The following TMEM117 variants were observed in gnomAD, a reference collection of about 807,000 sequenced individuals.
TMEM117 encodes transmembrane protein 117.
In TMEM117, 27 loss-of-function variants were observed where a neutral mutation model predicts 52.4. That is an observed-to-expected ratio of 0.51 (90% CI 0.38 to 0.71). TMEM117 has a LOEUF of 0.71. TMEM117 is among the 30% of genes least tolerant of loss of function. TMEM117 has a pLI of 0.00. For missense variants in TMEM117, 556 were observed against 630.5 expected, an observed-to-expected ratio of 0.88 and a Z score of 1.26; for synonymous variants, 215 against 206.3, an observed-to-expected ratio of 1.04 and a Z score of -0.36.
chr12:44,396,816 T>G, the TMEM117 span, among the ~76,000 whole-genome samples: 1 of 147,598 alleles, frequency 6.8e-6, no homozygotes, highest in Non-Finnish European at 1.5e-5. Flanking sequence ...ATTGTGCCTT[T>G]GCACTCCAGC....
chr12:44,356,027 G>T (rs1592714967), intron 6 of TMEM117, among the ~76,000 whole-genome samples: 2 of 152,004 alleles, frequency 1.3e-5, no homozygotes, highest in East Asian at 3.9e-4. Context: ...GAAAAAAAAA[G>T]AAAAAAAGGC....
At chr12:44,115,608 G>A (rs1948127577) in intron 3 of TMEM117, among the ~76,000 whole-genome samples, 2 of 151,776 alleles carry the variant, frequency 1.3e-5, no homozygotes, top group South Asian at 4.2e-4. Context: ...AGCCAGATGT[G>A]CATGTTCCCA....
chr12:44,261,646 T>A (rs1037150203), intron 5 of TMEM117, among the ~76,000 whole-genome samples: 2 of 152,214 alleles, frequency 1.3e-5, no homozygotes, highest in African/African-American at 2.4e-5. Flanking sequence ...GGAACATAGA[T>A]GGAAGGTACG....
intron 5 of TMEM117, among the ~76,000 whole-genome samples, chr12:44,239,638 A>C (rs1419646194): frequency 1.3e-5 from 2 of 152,110 alleles, no homozygotes; most frequent in Non-Finnish European, 2.9e-5. Flanking sequence ...TGTTTTCAGA[A>C]GTATACAATG....
At chr12:44,261,989 G>A (rs1455895068) in intron 5 of TMEM117, among the ~76,000 whole-genome samples, 1 of 152,184 alleles carries the variant, frequency 6.6e-6, no homozygotes, top group Non-Finnish European at 1.5e-5. Context: ...GAAATGGAAT[G>A]TAAACAGCCA....
chr12:44,075,759 A>G (rs1051377027), intron 3 of TMEM117, among the ~76,000 whole-genome samples: 1 of 152,016 alleles, frequency 6.6e-6, no homozygotes, highest in Non-Finnish European at 1.5e-5. Flanking sequence ...GCCTTGGGGT[A>G]TAGGGGGGAA....
At chr12:43,842,601 A>C (rs781153417) in intron 1 of TMEM117, among the ~76,000 whole-genome samples, 1 of 152,142 alleles carries the variant, frequency 6.6e-6, no homozygotes, top group East Asian at 1.9e-4. Context: ...CAGATCTTCC[A>C]TTGACTTACT....
chr12:44,102,767 T>C (rs947881938), intron 3 of TMEM117, among the ~76,000 whole-genome samples: 2 of 152,002 alleles, frequency 1.3e-5, no homozygotes, highest in Admixed American at 6.6e-5. Context: ...CCCACCCAAA[T>C]CTCATCTTAA....
intron 3 of TMEM117, among the ~76,000 whole-genome samples, chr12:43,970,789 G>A (rs1227791371): frequency 3.3e-5 from 5 of 152,094 alleles, no homozygotes; most frequent in Admixed American, 6.6e-5. Context: ...ATCACTCAGG[G>A]TTTTAATCTT....
the TMEM117 span, among the ~76,000 whole-genome samples, chr12:43,830,087 C>CAAAA: frequency 1.4e-5 from 1 of 72,514 alleles, no homozygotes; most frequent in Non-Finnish European, 2.9e-5. Flanking sequence ...GACTCTGTCT[C>CAAAA]AAAAAAAAAA....
intron 4 of TMEM117, among the ~76,000 whole-genome samples, chr12:44,195,838 G>A (rs1949411534): frequency 1.3e-5 from 2 of 151,842 alleles, no homozygotes; most frequent in African/African-American, 4.8e-5. Flanking sequence ...AGGATCACTT[G>A]AGGCCAGGAG....
intron 3 of TMEM117, among the ~76,000 whole-genome samples, chr12:44,124,434 A>T (rs1948289089): frequency 6.6e-6 from 1 of 152,196 alleles, no homozygotes; most frequent in South Asian, 2.1e-4. Flanking sequence ...AACATTCAAT[A>T]CTATGTTGAA....
chr12:44,382,582 A>G (rs73090698), intron 7 of TMEM117, among the ~76,000 whole-genome samples: 5,027 of 152,256 alleles, frequency 0.033, 101 homozygotes, highest in Middle Eastern at 0.13. Context: ...CAATCTCAAG[A>G]AAGTCATAGT....
At chr12:43,845,357 A>T (rs547439220) in intron 2 of TMEM117, among the ~76,000 whole-genome samples, 4 of 147,186 alleles carry the variant, frequency 2.7e-5, no homozygotes, top group African/African-American at 5.1e-5. Context: ...GCTACTTGAG[A>T]GGCTGAGGTG....
At chr12:43,856,557 T>G (rs1177364961) in intron 2 of TMEM117, among the ~76,000 whole-genome samples, 1 of 152,234 alleles carries the variant, frequency 6.6e-6, no homozygotes, top group Non-Finnish European at 1.5e-5. Context: ...AAACCACTCC[T>G]GTCAACTATA....
intron 3 of TMEM117, among the ~76,000 whole-genome samples, chr12:44,025,848 A>G (rs1946524458): frequency 1.3e-5 from 2 of 152,196 alleles, no homozygotes; most frequent in African/African-American, 4.8e-5. Context: ...CACAGCTACA[A>G]TTCTTGACGA....
intron 2 of TMEM117, among the ~76,000 whole-genome samples, chr12:43,924,420 AAT>A (rs967914848): frequency 5.9e-5 from 9 of 152,200 alleles, no homozygotes; most frequent in Admixed American, 5.2e-4. Flanking sequence ...ATGGTAAGAA[AAT>A]ATGATACATT....
intron 2 of TMEM117, among the ~76,000 whole-genome samples, chr12:43,854,782 G>A (rs1030235077): frequency 3.3e-5 from 5 of 151,944 alleles, no homozygotes; most frequent in Non-Finnish European, 5.9e-5. Context: ...TATTACAGGT[G>A]TCCACCACCA....
intron 3 of TMEM117, among the ~76,000 whole-genome samples, chr12:44,046,259 C>T (rs1464867335): frequency 6.6e-6 from 1 of 152,170 alleles, no homozygotes; most frequent in Non-Finnish European, 1.5e-5. Context: ...ACAACAATTC[C>T]ATTAAACTGC....
Sources: allele counts gnomAD v4.1 joint callset (sites outside exome capture counted in the v4.1 genomes callset), GRCh38; gene constraint gnomAD v4.1.1; transcripts MANE v1.5; gene names NCBI Gene and HGNC (gene_info 2026-07-23, HGNC 2026-07-21).